The following PEMT variants were observed in gnomAD, a reference collection of about 807,000 sequenced individuals.
PEMT encodes phosphatidylethanolamine N-methyltransferase, also known as phospholipid methyltransferase.
A neutral mutation model predicts 27.4 loss-of-function variants in PEMT; 23 were observed. The observed-to-expected ratio is 0.84, with a 90% CI of 0.60 to 1.19. The LOEUF is 1.19. Among genes scored for constraint, PEMT ranks in the 50% most tolerant of loss-of-function variants. The pLI is 0.00. For synonymous variants in PEMT, 137 were observed against 139.1 expected, an observed-to-expected ratio of 0.98 and a Z score of 0.11; for missense variants, 307 against 310.1, an observed-to-expected ratio of 0.99 and a Z score of 0.07.
chr17:17,544,282 TTC>T (rs1424282742), intron 2 of PEMT, among the ~76,000 whole-genome samples: 3 of 144,102 alleles, frequency 2.1e-5, no homozygotes, highest in African/African-American at 4.9e-5. Flanking sequence ...TCTTTTTCTT[TTC>T]TTTTTTTTTT....
chr17:17,516,578 A>T (rs1351915447), intron 3 of PEMT, among the ~76,000 whole-genome samples: 1 of 152,178 alleles, frequency 6.6e-6, no homozygotes, highest in Non-Finnish European at 1.5e-5. Context: ...AGGCAGCAGT[A>T]TCCCAGCACC....
intron 2 of PEMT, among the ~76,000 whole-genome samples, chr17:17,559,850 C>T (rs1434848417): frequency 1.3e-5 from 2 of 152,240 alleles, no homozygotes; most frequent in African/African-American, 4.8e-5. Context: ...CCAGGCCAAT[C>T]AGTGGTGTGA....
chr17:17,577,561 C>A (rs927248182), intron 1 of PEMT: 2 of 987,898 alleles, frequency 2.0e-6, no homozygotes, highest in African/African-American at 3.5e-5. Flanking sequence ...CCACGCCACC[C>A]GCATACGGGG....
At chr17:17,537,806 C>T (rs934269411) in intron 2 of PEMT, among the ~76,000 whole-genome samples, 11 of 152,230 alleles carry the variant, frequency 7.2e-5, no homozygotes, top group Admixed American at 7.2e-4. Flanking sequence ...ATGGACAGTG[C>T]CTGCTGCAGG....
chr17:17,537,931 C>T (rs1054615441), intron 2 of PEMT, among the ~76,000 whole-genome samples: 6 of 152,236 alleles, frequency 3.9e-5, no homozygotes, highest in Admixed American at 2.0e-4. Context: ...GGACCTCATC[C>T]TCACGTCCAA....
At chr17:17,529,814 C>T (rs1462728768) in intron 2 of PEMT, among the ~76,000 whole-genome samples, 2 of 152,196 alleles carry the variant, frequency 1.3e-5, no homozygotes, top group Admixed American at 6.5e-5. Flanking sequence ...CCAGCACTAC[C>T]TATAGCATCG....
intron 2 of PEMT, 85 bp from the exon 3 acceptor site, chr17:17,522,480 T>C: frequency 1.2e-6 from 1 of 848,598 alleles, no homozygotes; most frequent in Non-Finnish European, 2.0e-6. Flanking sequence ...TCTCTCTGCT[T>C]CCCAGGCTCC....
intron 2 of PEMT, among the ~76,000 whole-genome samples, chr17:17,544,911 G>A (rs1025690766): frequency 2.0e-5 from 3 of 152,190 alleles, no homozygotes; most frequent in African/African-American, 7.2e-5. Context: ...CTTACCAAGG[G>A]ACCTGGACAT....
intron 5 of PEMT, among the ~76,000 whole-genome samples, chr17:17,506,610 C>T (rs1178924360): frequency 1.3e-5 from 2 of 152,224 alleles, no homozygotes; most frequent in Non-Finnish European, 2.9e-5. Flanking sequence ...GAGCTGGGAA[C>T]GCAGCCCCAG....
chr17:17,515,367 G>A (rs995584184), intron 3 of PEMT, among the ~76,000 whole-genome samples: 3 of 152,204 alleles, frequency 2.0e-5, no homozygotes, highest in African/African-American at 7.2e-5. Context: ...GCAGATCCGG[G>A]GCCAGGGAGC....
rs1910257666 is a variant in PEMT, at chr17:17,558,780, A to G, written c.204+18140T>C. Among the ~76,000 whole-genome samples the G allele has an allele frequency of 2.6e-5, 4 of 151,368 alleles. No individual in the cohort carries two copies. In the South Asian group the frequency reaches 8.4e-4, roughly 32 times the overall value. ...TGATTTCTGAGCCCTCCTAGGCCTC[A>G]GGTGCTCCATGTACACTATAACAAG... is the stretch of plus-strand genomic sequence containing the variant. On this transcript the variant is annotated intron_variant, in intron 2 of 6. Coordinates refer to ENST00000255389, the MANE Select transcript of PEMT (RefSeq NM_148172.3).
chr17:17,589,237 C>T (rs1037087885), intron 1 of PEMT, among the ~76,000 whole-genome samples: 5 of 151,682 alleles, frequency 3.3e-5, no homozygotes, highest in Non-Finnish European at 7.4e-5. Context: ...GCTGGGATTA[C>T]AGGCGTGAGC....
chr17:17,585,879 G>A (rs1018668538), intron 1 of PEMT, among the ~76,000 whole-genome samples: 7 of 151,784 alleles, frequency 4.6e-5, no homozygotes, highest in East Asian at 1.9e-4. Context: ...TCAGGAGATC[G>A]AGATCATCCT....
intron 2 of PEMT, among the ~76,000 whole-genome samples, chr17:17,566,946 A>T (rs1910867094): frequency 6.6e-6 from 1 of 152,196 alleles, no homozygotes; most frequent in Non-Finnish European, 1.5e-5. Context: ...TGTGGGAGGG[A>T]TCCCGAGAGA....
chr17:17,507,260 G>T, intron 5 of PEMT: 1 of 1,394,116 alleles, frequency 7.2e-7, no homozygotes. Flanking sequence ...GAAAGGAGCT[G>T]TCTGGCGGGC....
intron 1 of PEMT, among the ~76,000 whole-genome samples, chr17:17,579,391 C>T (rs184472302): frequency 3.8e-4 from 58 of 152,330 alleles, no homozygotes; most frequent in African/African-American, 1.3e-3. Context: ...ATGTTAAATG[C>T]TCTAGGCCGG....
chr17:17,523,878 C>T lies in PEMT; in HGVS notation c.205-1483G>A, dbSNP rs1466041907. On this transcript the variant is annotated intron_variant, in intron 2 of 6. Transcript: ENST00000255389. The surrounding 1 kb of genome is among the most constrained non-coding windows in gnomAD (Gnocchi z 4.8). ...ATGCAACCATCACCACGGTCTAAGT[C>T]CAGAACATTTCATCACCCCAAGTAG... Among the ~76,000 whole-genome samples the T allele has an allele frequency of 6.6e-6, 1 of 152,148 alleles. No homozygotes were observed. The highest frequency in any genetic ancestry group is 1.9e-4 in the East Asian group (1 of 5,196).
rs911384533 is a variant in PEMT at position 17,512,331 on chromosome 17, C to T, written c.466+178G>A. On this transcript the variant is annotated intron_variant, in intron 4 of 6. Transcript: ENST00000255389. This position sits in a 1 kb window ranked among gnomAD's most constrained non-coding sequence, Gnocchi z 6.3. ...TGGGGTAAGAGGAGCTGTTGGAGCC[C>T]AGCCTCCTGTTCTAACCACAGACAA... Among the ~76,000 whole-genome samples, 1 of 152,208 alleles carries T rather than the reference C, an allele frequency of 6.6e-6. No individual in the cohort carries two copies. Among genetic ancestry groups the T allele is most frequent in the African/African-American group, 2.4e-5 (1 of 41,468 alleles).
chr17:17,508,785 C>T, intron 5 of PEMT: 1 of 467,232 alleles, frequency 2.1e-6, no homozygotes, highest in Non-Finnish European at 4.4e-6. Context: ...CAGTTCTAGG[C>T]TTCCCTCATG....
Sources: allele counts gnomAD v4.1 joint callset (sites outside exome capture counted in the v4.1 genomes callset), GRCh38; gene constraint gnomAD v4.1.1; non-coding constraint Gnocchi (gnomAD v3.1); transcripts MANE v1.5; gene names NCBI Gene and HGNC (gene_info 2026-07-23, HGNC 2026-07-21).